The following KARS1 variants were observed in gnomAD, a reference collection of about 807,000 sequenced individuals.
KARS1 encodes the protein lysyl-tRNA synthetase 1.
In KARS1, 50 loss-of-function variants were observed where a neutral mutation model predicts 63.9. The observed-to-expected ratio is 0.78, with a 90% confidence interval of 0.62 to 0.99. KARS1 has a LOEUF of 0.99. KARS1 is among the 50% of genes least tolerant of loss of function. The pLI, the probability that KARS1 is intolerant of heterozygous loss-of-function variation, is 0.00. For missense variants in KARS1, 816 were observed against 754.5 expected, an observed-to-expected ratio of 1.08 and a Z score of -0.95; for synonymous variants, 320 against 264.6, an observed-to-expected ratio of 1.21 and a Z score of -2.03.
At chr16:75,636,812 T>C (rs2082167146) in intron 3 of KARS1, among the ~76,000 whole-genome samples, 1 of 151,892 alleles carries the variant, frequency 6.6e-6, no homozygotes, top group South Asian at 2.1e-4. Flanking sequence ...TTTTCTTTTT[T>C]TTTTTAAAGT....
intron 1 of KARS1, chr16:75,647,359 G>A: frequency 1.6e-6 from 1 of 641,442 alleles, no homozygotes; most frequent in East Asian, 2.7e-5. Flanking sequence ...GTATGATAGG[G>A]AGCATCCCGC....
intron 3 of KARS1, among the ~76,000 whole-genome samples, chr16:75,639,163 C>T (rs189214946): frequency 2.7e-5 from 4 of 150,678 alleles, no homozygotes; most frequent in Admixed American, 6.6e-5. Flanking sequence ...AGCAAGACTT[C>T]GCCTCAAAAA....
At chr16:75,638,145 G>A (rs1228978092) in intron 3 of KARS1, among the ~76,000 whole-genome samples, 1 of 151,184 alleles carries the variant, frequency 6.6e-6, no homozygotes, top group Non-Finnish European at 1.5e-5. Flanking sequence ...TGGAGAGATA[G>A]AAGGAGAATA....
rs139719193 is a variant in KARS1 at position 75,628,635 on chromosome 16, G to C, written c.1629C>G (p.Pro543=). ...CAATGCCCATGCCCCAGCCAGCTGT[G>C]GGGGGCAGCCCATATTCCAGGGCAG... is the stretch of plus-strand genomic sequence containing the variant. ...FCTALEYGLP[P]TAGWGMGIDR... Residue 543 remains proline, a synonymous_variant, in exon 13 of 14, where the codon CCC becomes CCG. Coordinates refer to ENST00000302445, the MANE Select transcript of KARS1 (RefSeq NM_005548.3). The C allele has an allele frequency of 2.5e-6, 4 of 1,613,910 alleles. No homozygotes were observed. The highest frequency in any genetic ancestry group is 3.4e-6 in the Non-Finnish European group (4 of 1,179,900).
At chr16:75,636,619 A>C in intron 3 of KARS1, 72 bp from the exon 4 acceptor site, 3 of 998,016 alleles carry the variant, frequency 3.0e-6, no homozygotes, top group South Asian at 1.4e-5. Flanking sequence ...GTCAAAAAAA[A>C]ACTCCCTCTG....
intron 3 of KARS1, among the ~76,000 whole-genome samples, chr16:75,639,512 CAGT>C (rs2082199671): frequency 7.4e-6 from 1 of 134,412 alleles, no homozygotes; most frequent in East Asian, 2.1e-4. Flanking sequence ...GCAGAGGTTG[CAGT>C]AAGCTGAGAT....
rs989264579 is a variant in KARS1 at position 75,647,594 on chromosome 16, G to GCTCGCTGCCATCCACTTTCAC, written c.25_45dup (p.Val9_Glu15dup). On this transcript the variant is annotated inframe_insertion, in exon 1 of 14. Coordinates refer to ENST00000302445, the MANE Select transcript of KARS1 (RefSeq NM_005548.3). ...GACACTCACTTCTTGCTCAGTTTCG[G>GCTCGCTGCCATCCACTTTCAC]CTCGCTGCCATCCACTTTCACCTCG... is the stretch of plus-strand genomic sequence containing the variant. 6 of 1,613,206 alleles carry GCTCGCTGCCATCCACTTTCAC rather than the reference G, an allele frequency of 3.7e-6. No homozygotes were observed. The African/African-American group carries it at 8.0e-5, about 22-fold the overall frequency.
rs1337290789 is a variant in KARS1, at chr16:75,628,615, C to T, written c.1649G>A (p.Gly550Asp). The change falls in exon 13 of 14, where the codon GGC (glycine) becomes GAC (aspartate). Residue 550 changes from glycine to aspartate, a missense_variant. By Grantham distance (94) the Gly-to-Asp change is moderately conservative (BLOSUM62 -1). Coordinates refer to ENST00000302445, the MANE Select transcript of KARS1 (RefSeq NM_005548.3). ...GLPPTAGWGM[G>D]IDRVAMFLTD... ...GAGAAACATGGCGACTCGATCAATG[C>T]CCATGCCCCAGCCAGCTGTGGGGGG... 3.1e-6 allele frequency: 5 copies of T among 1,614,040 alleles called. No individual in the cohort carries two copies. In the Admixed American group the frequency reaches 6.7e-5, roughly 22 times the overall value.
At position 75,647,657 on chromosome 16, in the gene KARS1, C is replaced by A; in HGVS notation, c.-18G>T. The A allele has an allele frequency of 6.2e-7, 1 of 1,613,454 alleles. No individual in the cohort carries two copies. The highest frequency in any genetic ancestry group is 8.5e-7 in the Non-Finnish European group (1 of 1,179,566). On this transcript the variant is annotated 5_prime_UTR_variant, in exon 1 of 14. Transcript: ENST00000302445. The stretch of plus-strand genomic sequence containing the variant: ...GCCGCCATCTTCCCGGAGGGCCCGA[C>A]CCAAAAGTAAGGAGGATAGTACGTT...
chr16:75,636,371 A>T, intron 4 of KARS1, 83 bp downstream of exon 4: 1 of 962,954 alleles, frequency 1.0e-6, no homozygotes, highest in South Asian at 1.3e-5. Flanking sequence ...TCTAACTTCA[A>T]ATACCAGTAA....
Position 75,641,662 on chromosome 16 carries a change from C to A in KARS1, c.124G>T (p.Glu42Ter). Reference sequence around the variant, plus strand: ...TGGCTTAGCTGTTTCTCACTGAGCTCTTTCTGTTTGGCCTCCTTCTCTGCT... The same window carrying A: ...TGGCTTAGCTGTTTCTCACTGAGCTATTTCTGTTTGGCCTCCTTCTCTGCT... ...KVAEKEAKQK[E>*]LSEKQLSQAT... The change falls in exon 2 of 14, where the codon GAG becomes TAG. Residue 42 changes from glutamate (E) to a stop codon, truncating the protein, a stop_gained. Transcript: ENST00000302445. LOFTEE classifies it high-confidence loss of function. The A allele has an allele frequency of 6.2e-7, 1 of 1,613,974 alleles. No individual in the cohort carries two copies. Among genetic ancestry groups the A allele is most frequent in the Non-Finnish European group, 8.5e-7 (1 of 1,179,984 alleles).
intron 11 of KARS1, 51 bp downstream of exon 11, chr16:75,630,372 C>G: frequency 8.9e-7 from 1 of 1,127,176 alleles, no homozygotes; most frequent in Non-Finnish European, 1.3e-6. Flanking sequence ...AAATTGTTAA[C>G]ACCACTAAGT....
At chr16:75,628,487 T>C in intron 13 of KARS1, 82 bp downstream of exon 13, 1 of 1,527,860 alleles carries the variant, frequency 6.5e-7, no homozygotes, top group Middle Eastern at 2.3e-4. Context: ...TCCTTAATTT[T>C]ATCCTCCAGG....
chr16:75,646,699 T>C (rs1016847303), intron 1 of KARS1, among the ~76,000 whole-genome samples: 1 of 150,200 alleles, frequency 6.7e-6, no homozygotes, highest in Non-Finnish European at 1.5e-5. Flanking sequence ...CAGGCTGGAG[T>C]GCAGTGGCAC....
At chr16:75,645,328 A>G (rs1056877193) in intron 1 of KARS1, among the ~76,000 whole-genome samples, 1 of 152,242 alleles carries the variant, frequency 6.6e-6, no homozygotes, top group African/African-American at 2.4e-5. Context: ...GCCTGAGTTC[A>G]GATCCGTGCT....
chr16:75,640,448 C>A, intron 2 of KARS1, 99 bp from the exon 3 acceptor site: 1 of 1,095,992 alleles, frequency 9.1e-7, no homozygotes, highest in Non-Finnish European at 1.4e-6. Flanking sequence ...CCGAGTGACC[C>A]CAATACATTG....
chr16:75,646,734 C>A (rs996721297), intron 1 of KARS1, among the ~76,000 whole-genome samples: 1 of 151,616 alleles, frequency 6.6e-6, no homozygotes, highest in Non-Finnish European at 1.5e-5. Context: ...GCAACCTCCG[C>A]CTCCTGGGTT....
intron 1 of KARS1, chr16:75,644,598 C>G: frequency 1.8e-6 from 1 of 553,366 alleles, no homozygotes; most frequent in East Asian, 2.9e-5. Context: ...ACTGTCTTAA[C>G]TGATAGCAAC....
intron 4 of KARS1, 71 bp downstream of exon 4, chr16:75,636,383 A>T (rs1287762892): frequency 3.0e-6 from 3 of 992,688 alleles, no homozygotes; most frequent in Non-Finnish European, 4.9e-6. Flanking sequence ...TACCAGTAAG[A>T]CCACATCAGC....
Sources: allele counts gnomAD v4.1 joint callset (sites outside exome capture counted in the v4.1 genomes callset), GRCh38; gene constraint gnomAD v4.1.1; transcripts MANE v1.5; gene names NCBI Gene and HGNC (gene_info 2026-07-23, HGNC 2026-07-21).